SLCO1B3: variants seen among roughly 807,000 people sequenced by gnomAD.
The protein encoded by SLCO1B3 is solute carrier organic anion transporter family member 1B3.
SLCO1B3 carries 72 observed loss-of-function variants against 71.8 expected under a neutral mutation model. That is an observed-to-expected ratio of 1.00 (90% CI 0.83 to 1.22). The LOEUF is 1.22. Ranked by LOEUF, SLCO1B3 falls within the 50% of genes most tolerant of loss-of-function variation. SLCO1B3 has a pLI of 0.00. For missense variants in SLCO1B3, 911 were observed against 819.7 expected, an observed-to-expected ratio of 1.11 and a Z score of -1.36; for synonymous variants, 298 against 278.4, an observed-to-expected ratio of 1.07 and a Z score of -0.70.
chr12:20,889,394 G>C (rs1261988851), intron 13 of SLCO1B3, among the ~76,000 whole-genome samples: 2 of 152,088 alleles, frequency 1.3e-5, no homozygotes, highest in African/African-American at 4.8e-5. Context: ...TTATTGGTCT[G>C]TTAAGGATTT....
rs564303378 is a variant in SLCO1B3, at chr12:20,822,635, C to T, written c.84+6813C>T. On this transcript the variant is annotated intron_variant, in intron 3 of 15. Transcript: ENST00000381545. ...ACCTGACAGTGGCAATGTATGGCCA[C>T]GTTACTGAATCTACATGTTGCAAGA... Among the ~76,000 whole-genome samples the T allele has an allele frequency of 5.5e-4, 83 of 152,100 alleles. 1 individual carries two copies. Among genetic ancestry groups the T allele is most frequent in the African/African-American group, 1.7e-3 (71 of 41,490 alleles).
chr12:20,899,267 G>GT (rs1472243119), intron 14 of SLCO1B3, among the ~76,000 whole-genome samples: 3 of 152,264 alleles, frequency 2.0e-5, no homozygotes, highest in Non-Finnish European at 4.4e-5. Context: ...TCTAACCTCT[G>GT]TGAGTGGTCC....
intron 14 of SLCO1B3, among the ~76,000 whole-genome samples, chr12:20,900,075 G>T (rs1327000049): frequency 6.6e-6 from 1 of 152,138 alleles, no homozygotes; most frequent in Non-Finnish European, 1.5e-5. Context: ...CACAACGTTT[G>T]TTTAAACCAG....
intron 5 of SLCO1B3, among the ~76,000 whole-genome samples, chr12:20,860,104 T>C (rs559315974): frequency 3.2e-4 from 48 of 152,044 alleles, no homozygotes; most frequent in African/African-American, 1.1e-3. Context: ...TACAGGCGCC[T>C]GCCACCACGC....
In SLCO1B3 at chr12:20,861,006, T is replaced by G. The variant is rs1865251111; in HGVS notation, c.360-11T>G. On this transcript the variant is annotated splice_polypyrimidine_tract_variant and intron_variant, in intron 5 of 15. Transcript: ENST00000381545. ...ATAAGCAAAATGTTCAATTTCATGT[T>G]GCTCTTACAGTTATAGGTATTCTAA... 13 of 1,553,868 alleles carry G rather than the reference T, an allele frequency of 8.4e-6. No individual in the cohort carries two copies. The highest frequency in any genetic ancestry group is 1.1e-5 in the Non-Finnish European group (13 of 1,146,762).
chr12:20,811,127 T>G (rs1243903346), intron 1 of SLCO1B3, among the ~76,000 whole-genome samples: 1 of 152,192 alleles, frequency 6.6e-6, no homozygotes, highest in African/African-American at 2.4e-5. Flanking sequence ...CTGTATTGAA[T>G]TACTATACCA....
chr12:20,823,366 G>A lies in SLCO1B3; in HGVS notation c.84+7544G>A, dbSNP rs116179000. ...GAAAAAATTGAAAACATTATTTGGA[G>A]ACTTGTAGTCAGGAAAAATTTTAGA... is the stretch of plus-strand genomic sequence containing the variant. On this transcript the variant is annotated intron_variant, in intron 3 of 15. Transcript: ENST00000381545. 7.0e-3 allele frequency among the ~76,000 whole-genome samples: 1,066 copies of A among 152,164 alleles called. 9 individuals are homozygous for A. The highest frequency in any genetic ancestry group is 0.024 in the African/African-American group (979 of 41,510).
rs551102985 is a variant in SLCO1B3 at position 20,836,646 on chromosome 12, T to A, written c.85-18382T>A. On this transcript the variant is annotated intron_variant, in intron 3 of 15. Coordinates refer to ENST00000381545, the MANE Select transcript of SLCO1B3 (RefSeq NM_019844.4). The stretch of plus-strand genomic sequence containing the variant: ...GCCTCATTCTTTCTGTTTTTTGTTT[T>A]GTTTTGTTTTTTTGAGATGGAGTCT... Among the ~76,000 whole-genome samples, 115 of 152,242 alleles carry A rather than the reference T, an allele frequency of 7.6e-4. No homozygotes were observed. In the South Asian group the frequency reaches 0.015, roughly 19 times the overall value.
chr12:20,848,557 T>C (rs564767360), intron 3 of SLCO1B3, among the ~76,000 whole-genome samples: 21 of 152,290 alleles, frequency 1.4e-4, no homozygotes, highest in African/African-American at 3.8e-4. Context: ...GCTTTATTCA[T>C]GATTGTCATG....
intron 1 of SLCO1B3, among the ~76,000 whole-genome samples, chr12:20,811,591 C>G (rs1864111343): frequency 6.6e-6 from 1 of 152,148 alleles, no homozygotes; most frequent in African/African-American, 2.4e-5. Flanking sequence ...AAAAGCTAAA[C>G]AGAAATAAGC....
chr12:20,821,477 C>A (rs1056986529), intron 3 of SLCO1B3, among the ~76,000 whole-genome samples: 1 of 152,072 alleles, frequency 6.6e-6, no homozygotes, highest in Non-Finnish European at 1.5e-5. Flanking sequence ...GTGAAGGAGG[C>A]AAGCCCAGAG....
intron 6 of SLCO1B3, among the ~76,000 whole-genome samples, 199 bp from the exon 7 acceptor site, chr12:20,862,213 G>A (rs541956359): frequency 6.6e-6 from 1 of 152,126 alleles, no homozygotes; most frequent in African/African-American, 2.4e-5. Context: ...TCGTCTGTGT[G>A]TAGTGTAATT....
chr12:20,900,095 G>A (rs985800736), intron 14 of SLCO1B3, among the ~76,000 whole-genome samples: 3 of 152,112 alleles, frequency 2.0e-5, no homozygotes, highest in Non-Finnish European at 4.4e-5. Context: ...GTGGCATAAC[G>A]TGAAGAAAAT....
chr12:20,877,905 T>C lies in SLCO1B3; in HGVS notation c.1104T>C (p.Gly368=). Residue 368 remains glycine, a synonymous_variant, in exon 10 of 16, where the codon GGT becomes GGC. Coordinates refer to ENST00000381545, the MANE Select transcript of SLCO1B3 (RefSeq NM_019844.4). The stretch of plus-strand genomic sequence containing the variant: ...TTAAATATATGGAGCAACAGTACGG[T>C]CAGTCTGCATCTCATGCTAACTTTT... ...YVFKYMEQQY[G]QSASHANFLL... 1 of 1,588,490 alleles carries C rather than the reference T, an allele frequency of 6.3e-7. No individual in the cohort carries two copies. The highest frequency in any genetic ancestry group is 1.4e-5 in the African/African-American group (1 of 73,326).
At chr12:20,895,749 T>A (rs1406851617) in intron 13 of SLCO1B3, among the ~76,000 whole-genome samples, 1 of 152,176 alleles carries the variant, frequency 6.6e-6, no homozygotes, top group Non-Finnish European at 1.5e-5. Context: ...CACTAGGCAG[T>A]GCCCCAGTAG....
chr12:20,871,654 A>G (rs1016121610), intron 8 of SLCO1B3, among the ~76,000 whole-genome samples: 1 of 152,144 alleles, frequency 6.6e-6, no homozygotes, highest in Non-Finnish European at 1.5e-5. Context: ...CTTGGAAAGT[A>G]TATGGAAGAA....
intron 15 of SLCO1B3, among the ~76,000 whole-genome samples, chr12:20,911,567 T>A (rs1045476217): frequency 6.6e-6 from 1 of 152,120 alleles, no homozygotes; most frequent in African/African-American, 2.4e-5. Context: ...CCCATCTTGG[T>A]TTGGTGTTTT....
intron 14 of SLCO1B3, among the ~76,000 whole-genome samples, chr12:20,899,587 G>A (rs1034475822): frequency 1.3e-5 from 2 of 152,182 alleles, no homozygotes; most frequent in African/African-American, 4.8e-5. Flanking sequence ...GGGTTGCATT[G>A]CCTCCATCCT....
At chr12:20,902,106 G>C (rs748616919) in intron 15 of SLCO1B3, 2 of 236,088 alleles carry the variant, frequency 8.5e-6, no homozygotes, top group African/African-American at 4.8e-5. Flanking sequence ...AAATGTGTTT[G>C]TAAGTATGAC....
Sources: allele counts gnomAD v4.1 joint callset (sites outside exome capture counted in the v4.1 genomes callset), GRCh38; gene constraint gnomAD v4.1.1; transcripts MANE v1.5; gene names NCBI Gene and HGNC (gene_info 2026-07-23, HGNC 2026-07-21).